GLIS3: variants seen among roughly 807,000 people sequenced by gnomAD.
GLIS3 encodes zinc finger protein GLIS3.
A neutral mutation model predicts 78.6 loss-of-function variants in GLIS3; 53 were observed. The ratio of observed to expected loss-of-function variants is 0.67; its 90% CI spans 0.54 to 0.85. The LOEUF (loss-of-function observed/expected upper bound fraction) is 0.85, where lower values mean the gene tolerates loss of function less well. GLIS3 is among the 40% of genes least tolerant of loss of function. The probability of loss-of-function intolerance (pLI) is 0.00; values close to 1 mark genes in which losing one functional copy is unlikely to be tolerated. For missense variants in GLIS3, 1,703 were observed against 1,231.1 expected, an observed-to-expected ratio of 1.38 and a Z score of -5.74; for synonymous variants, 684 against 509.9, an observed-to-expected ratio of 1.34 and a Z score of -4.60.
chr9:4,403,570 C>A, the GLIS3 span, among the ~76,000 whole-genome samples: 1 of 151,958 alleles, frequency 6.6e-6, no homozygotes, highest in African/African-American at 2.4e-5. Context: ...AGCAGGGGAA[C>A]AAAGTTATAA....
At chr9:4,381,223 C>T in the GLIS3 span, among the ~76,000 whole-genome samples, 1 of 152,094 alleles carries the variant, frequency 6.6e-6, no homozygotes, top group Non-Finnish European at 1.5e-5. Context: ...ATGAGTTCAA[C>T]ATGAAAATAT....
At chr9:4,455,773 A>G in the GLIS3 span, among the ~76,000 whole-genome samples, 3 of 152,344 alleles carry the variant, frequency 2.0e-5, no homozygotes, top group South Asian at 6.2e-4. Flanking sequence ...AGAATATTGC[A>G]ATAAAGTGAT....
chr9:4,185,858 G>A lies in GLIS3; in HGVS notation c.389-59917C>T, dbSNP rs186629301. On this transcript the variant is annotated intron_variant, in intron 2 of 10. Transcript: ENST00000381971. The stretch of plus-strand genomic sequence containing the variant: ...GGCCAGACCCAACTGGAAGCTGGAG[G>A]GCAAGGCAGCCCAGGGACATGTTCC... Among the ~76,000 whole-genome samples the A allele has an allele frequency of 1.5e-3, 235 of 152,316 alleles. 1 individual carries two copies. Among genetic ancestry groups the A allele is most frequent in the African/African-American group, 5.5e-3 (230 of 41,568 alleles).
intron 7 of GLIS3, among the ~76,000 whole-genome samples, chr9:3,889,737 C>T (rs141003140): frequency 3.7e-4 from 56 of 152,288 alleles, no homozygotes; most frequent in African/African-American, 1.3e-3. Context: ...AGGCAATGTT[C>T]ACATTCTTCA....
chr9:4,272,038 G>C (rs373907032), intron 2 of GLIS3, among the ~76,000 whole-genome samples: 18 of 152,308 alleles, frequency 1.2e-4, no homozygotes, highest in African/African-American at 3.9e-4. Context: ...AGGCCTTGCA[G>C]ATTGTGCCCT....
intron 4 of GLIS3, among the ~76,000 whole-genome samples, chr9:3,987,783 A>AC (rs1819883076): frequency 1.4e-5 from 2 of 146,326 alleles, no homozygotes; most frequent in Non-Finnish European, 3.0e-5. Context: ...AAAAAAAAAA[A>AC]AAAAACAAAA....
chr9:4,481,048 G>GT, the GLIS3 span, among the ~76,000 whole-genome samples: 1 of 152,018 alleles, frequency 6.6e-6, no homozygotes. Flanking sequence ...TAGAGACAGG[G>GT]TTTTTCCATG....
chr9:4,286,161 G>C lies in GLIS3; in HGVS notation c.265C>G (p.Gln89Glu), dbSNP rs764380593. 3 of 1,614,072 alleles carry C rather than the reference G, an allele frequency of 1.9e-6. No individual in the cohort carries two copies. The highest frequency in any genetic ancestry group is 1.1e-5 in the South Asian group (1 of 91,088). ...IHLPALSPRR[Q>E]MLTNGKPRFQ... is the part of the protein sequence containing the mutation. ...CGCGGCTTCCCATTGGTGAGCATTT[G>C]TCTCCTGGGGCTTAAGGCAGGCAGA... The change falls in exon 2 of 11, where the codon CAA becomes GAA. Residue 89 changes from glutamine (Q) to glutamate (E), a missense_variant. By Grantham distance (29) the Gln-to-Glu change is conservative. Transcript: ENST00000381971.
At chr9:4,428,935 G>A in the GLIS3 span, among the ~76,000 whole-genome samples, 1 of 152,012 alleles carries the variant, frequency 6.6e-6, no homozygotes, top group African/African-American at 2.4e-5. Context: ...CATCACTAAG[G>A]CTAATTAATT....
chr9:4,358,006 A>G, the GLIS3 span, among the ~76,000 whole-genome samples: 1 of 152,202 alleles, frequency 6.6e-6, no homozygotes, highest in Non-Finnish European at 1.5e-5. Context: ...TTGTTTTTTA[A>G]AAAATAAGAT....
intron 2 of GLIS3, among the ~76,000 whole-genome samples, chr9:4,275,896 T>TA (rs1379636101): frequency 6.6e-6 from 1 of 152,204 alleles, no homozygotes; most frequent in Non-Finnish European, 1.5e-5. Context: ...ATGCTGCCTT[T>TA]AATCAAATCA....
chr9:4,293,526 T>G (rs538810345), intron 1 of GLIS3, among the ~76,000 whole-genome samples: 3 of 152,352 alleles, frequency 2.0e-5, no homozygotes, highest in South Asian at 2.1e-4. Context: ...CCTCTGTGAA[T>G]GACTCAGCCA....
At chr9:4,317,212 T>G (rs923134470) in intron 2 of GLIS3, among the ~76,000 whole-genome samples, 1 of 152,206 alleles carries the variant, frequency 6.6e-6, no homozygotes, top group Admixed American at 6.5e-5. Context: ...ACATCAGAAA[T>G]GAGGTGGAGA....
intron 1 of GLIS3, chr9:4,348,120 G>A (rs1165292056): frequency 2.6e-5 from 4 of 152,192 alleles, no homozygotes; most frequent in Non-Finnish European, 5.9e-5. Flanking sequence ...GTTAATTACA[G>A]CATAACTTAT....
intron 2 of GLIS3, among the ~76,000 whole-genome samples, chr9:4,159,723 G>GA (rs59121033): frequency 0.49 from 72,127 of 146,842 alleles, 18,678 homozygotes; most frequent in East Asian, 0.82. Context: ...CATTTCAAAA[G>GA]AAAAAAAAAA....
chr9:4,327,652 G>A (rs34927608), intron 2 of GLIS3, among the ~76,000 whole-genome samples: 22,095 of 152,160 alleles, frequency 0.15, 1,705 homozygotes, highest in East Asian at 0.23. Flanking sequence ...ACTGAATAAA[G>A]GCCAGTCAGT....
At chr9:4,218,566 C>G (rs1367019952) in intron 2 of GLIS3, among the ~76,000 whole-genome samples, 1 of 152,232 alleles carries the variant, frequency 6.6e-6, no homozygotes, top group Non-Finnish European at 1.5e-5. Context: ...GCGTGAGCCA[C>G]CGCGCCCGGC....
chr9:4,373,961 T>C, the GLIS3 span, among the ~76,000 whole-genome samples: 1 of 152,126 alleles, frequency 6.6e-6, no homozygotes, highest in African/African-American at 2.4e-5. Flanking sequence ...CCACCGCGCC[T>C]GGCCGAAAAT....
At chr9:4,191,257 A>C (rs1248361885) in intron 2 of GLIS3, among the ~76,000 whole-genome samples, 2 of 152,186 alleles carry the variant, frequency 1.3e-5, no homozygotes, top group Non-Finnish European at 2.9e-5. Context: ...TGAAGAGTCA[A>C]GACCCATCAG....
Sources: allele counts gnomAD v4.1 joint callset (sites outside exome capture counted in the v4.1 genomes callset), GRCh38; gene constraint gnomAD v4.1.1; transcripts MANE v1.5; gene names NCBI Gene and HGNC (gene_info 2026-07-23, HGNC 2026-07-21).